SSH2: variants seen among roughly 807,000 people sequenced by gnomAD.
SSH2 encodes slingshot protein phosphatase 2, also known as protein phosphatase Slingshot homolog 2.
A neutral mutation model predicts 135.2 loss-of-function variants in SSH2; 37 were observed. The observed-to-expected ratio is 0.27, with a 90% CI of 0.21 to 0.36. The LOEUF is 0.36. SSH2 is among the 10% of genes least tolerant of loss of function. The pLI is 1.00. For synonymous variants in SSH2, 628 were observed against 646.2 expected (o/e 0.97, Z 0.43); for missense variants, 1,408 against 1,765.3 (o/e 0.80, Z 3.63).
At chr17:29,818,373 C>T (rs1292389674) in intron 2 of SSH2, among the ~76,000 whole-genome samples, 2 of 151,576 alleles carry the variant, frequency 1.3e-5, no homozygotes, top group East Asian at 1.9e-4. Context: ...CTCAGCCTCC[C>T]GAGTAGCTGG....
chr17:29,878,222 G>A (rs2066071088), intron 1 of SSH2, among the ~76,000 whole-genome samples: 1 of 152,140 alleles, frequency 6.6e-6, no homozygotes, highest in Non-Finnish European at 1.5e-5. Flanking sequence ...GAGTTCAGGA[G>A]TTCGAGACTA....
At chr17:29,834,334 G>A (rs1161432867) in intron 2 of SSH2, among the ~76,000 whole-genome samples, 1 of 152,120 alleles carries the variant, frequency 6.6e-6, no homozygotes, top group Non-Finnish European at 1.5e-5. Flanking sequence ...ACAAAGAAAT[G>A]ATGAATGCTT....
At chr17:29,900,079 A>C (rs1330839817) in intron 1 of SSH2, among the ~76,000 whole-genome samples, 3 of 152,226 alleles carry the variant, frequency 2.0e-5, no homozygotes, top group African/African-American at 4.8e-5. Context: ...GGCTAGCCAT[A>C]TGTAGAAAGA....
At position 29,887,298 on chromosome 17, in the gene SSH2, G is replaced by A. The variant is rs547507246; in HGVS notation, c.64-38369C>T. 1.1e-4 allele frequency among the ~76,000 whole-genome samples: 17 copies of A among 152,232 alleles called. No homozygotes were observed. The East Asian group carries it at 2.9e-3, about 26-fold the overall frequency. Reference sequence around the variant, plus strand: ...TGTACATCTTAGATATTATAACTACGAAATTATTTAGTGAGGATCAATAGA... The same window carrying A: ...TGTACATCTTAGATATTATAACTACAAAATTATTTAGTGAGGATCAATAGA... On this transcript the variant is annotated intron_variant, in intron 1 of 15. Transcript: ENST00000540801.
At chr17:29,703,828 C>T (rs2151127819) in intron 3 of SSH2, among the ~76,000 whole-genome samples, 1 of 152,256 alleles carries the variant, frequency 6.6e-6, no homozygotes, top group Admixed American at 6.5e-5. Flanking sequence ...ATCCACCAGC[C>T]TCGGCCTCCC....
At chr17:29,761,843 A>G (rs2447938) in intron 3 of SSH2, among the ~76,000 whole-genome samples, 62,517 of 142,018 alleles carry the variant, frequency 0.44, 13,944 homozygotes, top group Non-Finnish European at 0.48. Flanking sequence ...TCACATACAT[A>G]TGTGTGTGTG....
intron 9 of SSH2, among the ~76,000 whole-genome samples, chr17:29,670,603 G>T (rs535852778): frequency 6.6e-6 from 1 of 152,122 alleles, no homozygotes; most frequent in East Asian, 1.9e-4. Context: ...GTGAAACCCC[G>T]TCACTACTAA....
In SSH2 at chr17:29,717,827, G is replaced by T. The variant is rs1329355329; in HGVS notation, c.189-14765C>A. 2.6e-5 allele frequency among the ~76,000 whole-genome samples: 4 copies of T among 152,306 alleles called. No homozygotes were observed. The East Asian group carries it at 7.7e-4, about 29-fold the overall frequency. Reference sequence around the variant, plus strand: ...AGGTGGAAGGATCACTTGAGCCCAGGAGTTTAAAACCAGCCTGGGCAACAT... The same window carrying T: ...AGGTGGAAGGATCACTTGAGCCCAGTAGTTTAAAACCAGCCTGGGCAACAT... On this transcript the variant is annotated intron_variant, in intron 3 of 15. Coordinates refer to ENST00000540801, the MANE Select transcript of SSH2 (RefSeq NM_001282129.2).
chr17:29,765,416 TAAA>T (rs954024958), intron 3 of SSH2, among the ~76,000 whole-genome samples: 2 of 152,198 alleles, frequency 1.3e-5, no homozygotes, highest in Non-Finnish European at 2.9e-5. Context: ...ATAAAGTACT[TAAA>T]AGAGTACCTG....
chr17:29,755,064 A>G (rs1005654604), intron 3 of SSH2, among the ~76,000 whole-genome samples: 5 of 152,260 alleles, frequency 3.3e-5, no homozygotes, highest in African/African-American at 1.2e-4. Context: ...GTATATAATG[A>G]TAACACTAAC....
intron 3 of SSH2, among the ~76,000 whole-genome samples, chr17:29,758,773 G>A (rs2041204757): frequency 6.6e-6 from 1 of 152,158 alleles, no homozygotes; most frequent in Non-Finnish European, 1.5e-5. Context: ...TAAAGAGGCA[G>A]GGTCTTGCTC....
chr17:29,822,741 GACAGT>G (rs1355997691), intron 2 of SSH2, among the ~76,000 whole-genome samples: 1 of 152,050 alleles, frequency 6.6e-6, no homozygotes, highest in Non-Finnish European at 1.5e-5. Flanking sequence ...AACTTTAACG[GACAGT>G]ACTCTTGGCT....
intron 9 of SSH2, 149 bp downstream of exon 9, chr17:29,671,786 A>G: frequency 1.5e-6 from 1 of 647,176 alleles, no homozygotes; most frequent in Non-Finnish European, 2.6e-6. Context: ...AGGATTCTTC[A>G]TATGTGGCAG....
intron 3 of SSH2, among the ~76,000 whole-genome samples, chr17:29,782,236 C>G (rs2041856945): frequency 6.6e-6 from 1 of 152,198 alleles, no homozygotes; most frequent in African/African-American, 2.4e-5. Context: ...CATATGGTTT[C>G]TGACAGAGTT....
rs939596053 is a variant in SSH2, at chr17:29,627,110, C to T, written c.*3731G>A. 2 of 152,582 alleles carry T rather than the reference C, an allele frequency of 1.3e-5. No homozygotes were observed. The highest frequency in any genetic ancestry group is 4.8e-5 in the African/African-American group (2 of 41,434). 9.5% of individuals were successfully genotyped at this position (152,582 alleles called of 1,614,324 possible). Reference sequence around the variant, plus strand: ...TGGCCCTGCTCTGCATGAGGACTCACAGGACAGCCAGGGCACTGATGCCTG... The same window carrying T: ...TGGCCCTGCTCTGCATGAGGACTCATAGGACAGCCAGGGCACTGATGCCTG... On this transcript the variant is annotated 3_prime_UTR_variant, in exon 16 of 16. Coordinates refer to ENST00000540801, the MANE Select transcript of SSH2 (RefSeq NM_001282129.2).
chr17:29,780,843 C>T (rs971522038), intron 3 of SSH2, among the ~76,000 whole-genome samples: 4 of 151,832 alleles, frequency 2.6e-5, no homozygotes, highest in African/African-American at 9.7e-5. Flanking sequence ...AGAGGAGTCT[C>T]GCTCTGTCGC....
intron 5 of SSH2, among the ~76,000 whole-genome samples, chr17:29,691,864 C>A (rs538436445): frequency 6.6e-6 from 1 of 151,348 alleles, no homozygotes; most frequent in Non-Finnish European, 1.5e-5. Context: ...TTCAGCCGGG[C>A]GCGGTGGCTC....
At chr17:29,752,840 G>GAAAA (rs36083993) in intron 3 of SSH2, among the ~76,000 whole-genome samples, 1 of 141,380 alleles carries the variant, frequency 7.1e-6, no homozygotes, top group Non-Finnish European at 1.5e-5. Flanking sequence ...TCAAATCACA[G>GAAAA]AAAAAAAAAA....
intron 2 of SSH2, among the ~76,000 whole-genome samples, chr17:29,798,779 T>C (rs1160843347): frequency 6.6e-6 from 1 of 152,234 alleles, no homozygotes; most frequent in African/African-American, 2.4e-5. Context: ...TAACATTTAA[T>C]ATAATTTTTG....
Sources: gnomAD v4.1 joint callset for allele counts (sites outside exome capture counted in the v4.1 genomes callset) on GRCh38, gnomAD v4.1.1 for gene constraint, MANE v1.5 for transcripts, NCBI Gene and HGNC (gene_info 2026-07-23, HGNC 2026-07-21) for gene names.